CDH4: variants seen among roughly 807,000 people sequenced by gnomAD.
CDH4 encodes cadherin-4.
Under a neutral mutation model 86.0 loss-of-function variants are expected in CDH4, and 33 were observed. That is an observed-to-expected ratio of 0.38 (90% CI 0.29 to 0.51). The LOEUF is 0.51. Ranked by LOEUF, CDH4 falls within the 20% of genes least tolerant of loss-of-function variation. The pLI is 0.86. For synonymous variants in CDH4, 555 were observed against 549.4 expected (o/e 1.01, Z -0.14); for missense variants, 1,114 against 1,307.4 (o/e 0.85, Z 2.28).
rs1568729228 is a variant in CDH4 at position 61,642,010 on chromosome 20, GGCACCACCA to G, written c.170-101551_170-101543del. On this transcript the variant is annotated intron_variant, in intron 2 of 15. Coordinates refer to ENST00000614565, the MANE Select transcript of CDH4 (RefSeq NM_001794.5). Reference sequence around the variant, plus strand: ...TCAGACGGGGCTGCCTGACCCACCAGGCACCACCAGGCACCACAGCACCCAGGACACCTA... The same window carrying G: ...TCAGACGGGGCTGCCTGACCCACCAGGGCACCACAGCACCCAGGACACCTA... Among the ~76,000 whole-genome samples the G allele has an allele frequency of 2.7e-4, 3 of 10,938 alleles. 1 individual carries two copies. Among genetic ancestry groups the G allele is most frequent in the Non-Finnish European group, 4.4e-4 (3 of 6,788 alleles). The allele number at this position is 10,938 out of a possible 152,430, so 7.2% of individuals were successfully genotyped here. A position where few individuals can be genotyped will look rare whatever the true frequency, so the allele number is the denominator to read the frequency against.
intron 2 of CDH4, among the ~76,000 whole-genome samples, chr20:61,686,536 TA>T (rs1455628832): frequency 6.6e-6 from 1 of 151,924 alleles, no homozygotes; most frequent in Non-Finnish European, 1.5e-5. Context: ...TGCATTTGTG[TA>T]TGTGTGCATT....
chr20:61,795,333 G>C (rs1049435690), intron 4 of CDH4, among the ~76,000 whole-genome samples: 1 of 151,664 alleles, frequency 6.6e-6, no homozygotes, highest in Non-Finnish European at 1.5e-5. Context: ...ATAGTATCCT[G>C]AGCCCCATCA....
chr20:61,702,222 T>C (rs2087784506), intron 2 of CDH4, among the ~76,000 whole-genome samples: 1 of 152,280 alleles, frequency 6.6e-6, no homozygotes, highest in South Asian at 2.1e-4. Context: ...GGCCGCCTCA[T>C]AGGACCATTT....
intron 9 of CDH4, among the ~76,000 whole-genome samples, chr20:61,914,349 C>T (rs2054882934): frequency 6.6e-6 from 1 of 152,228 alleles, no homozygotes; most frequent in Non-Finnish European, 1.5e-5. Flanking sequence ...GTCTCATTGC[C>T]TACCCGGCCC....
At chr20:61,391,573 G>A (rs1283906115) in intron 2 of CDH4, among the ~76,000 whole-genome samples, 1 of 152,192 alleles carries the variant, frequency 6.6e-6, no homozygotes, top group Non-Finnish European at 1.5e-5. Flanking sequence ...CAGCAAAGCT[G>A]TGTGTTTTGT....
At chr20:61,617,324 A>G (rs1350382002) in intron 2 of CDH4, among the ~76,000 whole-genome samples, 1 of 152,182 alleles carries the variant, frequency 6.6e-6, no homozygotes, top group Non-Finnish European at 1.5e-5. Flanking sequence ...GGTGTGGGGC[A>G]GTGCTCAGTG....
chr20:61,605,886 GAAAAAAA>G lies in CDH4; in HGVS notation c.170-137664_170-137658del, dbSNP rs529210946. Among the ~76,000 whole-genome samples the G allele has an allele frequency of 5.1e-3, 639 of 126,010 alleles. 4 individuals are homozygous for G. Among genetic ancestry groups the G allele is most frequent in the Non-Finnish European group, 6.5e-3 (383 of 58,842 alleles). 82.7% of individuals were successfully genotyped at this position (126,010 alleles called of 152,430 possible). A position where few individuals can be genotyped will look rare whatever the true frequency, so the allele number is the denominator to read the frequency against. On this transcript the variant is annotated intron_variant, in intron 2 of 15. Coordinates refer to ENST00000614565, the MANE Select transcript of CDH4 (RefSeq NM_001794.5). ...CCCAGTAGCGGTCAAGGCTGTGGAGGAAAAAAAAAAAAAAAAAAACAGGAAACCAGGT... is the reference window on the plus strand; with the variant it reads ...CCCAGTAGCGGTCAAGGCTGTGGAGGAAAAAAAAAAAACAGGAAACCAGGT...
chr20:61,858,721 G>A (rs936067370), intron 6 of CDH4, among the ~76,000 whole-genome samples: 4 of 152,202 alleles, frequency 2.6e-5, no homozygotes, highest in Non-Finnish European at 5.9e-5. Context: ...TTCTCTGGAT[G>A]TACAGCCAGG....
At chr20:61,273,543 T>G (rs1412328432) in intron 2 of CDH4, among the ~76,000 whole-genome samples, 1 of 125,208 alleles carries the variant, frequency 8.0e-6, no homozygotes, top group East Asian at 2.6e-4. Flanking sequence ...GAGTACCGTG[T>G]GCAGTTTGGA....
intron 2 of CDH4, among the ~76,000 whole-genome samples, chr20:61,554,739 A>G (rs757955742): frequency 2.6e-5 from 4 of 152,284 alleles, no homozygotes; most frequent in South Asian, 2.1e-4. Flanking sequence ...ACACATGTAC[A>G]TGTACATGCA....
At chr20:61,318,760 C>T (rs1227867395) in intron 2 of CDH4, among the ~76,000 whole-genome samples, 2 of 152,254 alleles carry the variant, frequency 1.3e-5, no homozygotes, top group Non-Finnish European at 2.9e-5. Flanking sequence ...ACTTGTTTGG[C>T]ACAGAGAGAG....
At position 61,497,633 on chromosome 20, in the gene CDH4, G is replaced by C. The variant is rs528484545; in HGVS notation, c.169+242696G>C. Among the ~76,000 whole-genome samples the C allele has an allele frequency of 2.0e-5, 3 of 152,280 alleles. No homozygotes were observed. In the South Asian group the frequency reaches 6.2e-4, roughly 32 times the overall value. Reference sequence around the variant, plus strand: ...GGGACTGTAAACTAGTTCAACCATTGTGGAAGACAGTGTGGCGATTCCTCA... The same window carrying C: ...GGGACTGTAAACTAGTTCAACCATTCTGGAAGACAGTGTGGCGATTCCTCA... On this transcript the variant is annotated intron_variant, in intron 2 of 15. Coordinates refer to ENST00000614565, the MANE Select transcript of CDH4 (RefSeq NM_001794.5).
chr20:61,343,154 G>A (rs1036732178), intron 2 of CDH4, among the ~76,000 whole-genome samples: 1 of 152,196 alleles, frequency 6.6e-6, no homozygotes, highest in Admixed American at 6.5e-5. Context: ...TTCGTGCTGT[G>A]GCTGGTGACA....
At chr20:61,305,977 C>T (rs879619080) in intron 2 of CDH4, among the ~76,000 whole-genome samples, 8 of 152,206 alleles carry the variant, frequency 5.3e-5, no homozygotes, top group African/African-American at 1.4e-4. Context: ...GCACCACTTC[C>T]GTTGACCTTT....
At chr20:61,906,596 G>T (rs1302353526) in intron 8 of CDH4, among the ~76,000 whole-genome samples, 1 of 152,246 alleles carries the variant, frequency 6.6e-6, no homozygotes, top group Admixed American at 6.5e-5. Flanking sequence ...GCAAGGCAGT[G>T]TCCCCAGCGG....
At chr20:61,530,513 G>C (rs1468157007) in intron 2 of CDH4, among the ~76,000 whole-genome samples, 2 of 152,124 alleles carry the variant, frequency 1.3e-5, no homozygotes, top group Non-Finnish European at 2.9e-5. Flanking sequence ...ACCCTGCACG[G>C]CATGTACTGG....
chr20:61,304,020 G>C (rs1191019235), intron 2 of CDH4, among the ~76,000 whole-genome samples: 1 of 152,146 alleles, frequency 6.6e-6, no homozygotes, highest in Non-Finnish European at 1.5e-5. Context: ...CCTGCCAGTG[G>C]CTTCATTTCA....
intron 2 of CDH4, among the ~76,000 whole-genome samples, chr20:61,641,229 G>T (rs1459644990): frequency 1.3e-5 from 2 of 152,158 alleles, no homozygotes; most frequent in Admixed American, 1.3e-4. Context: ...CAGTGATTTG[G>T]GGGAGTTTTC....
chr20:61,643,001 T>C (rs933396702), intron 2 of CDH4, among the ~76,000 whole-genome samples: 4 of 152,252 alleles, frequency 2.6e-5, no homozygotes, highest in Non-Finnish European at 4.4e-5. Flanking sequence ...CTCAGTCACA[T>C]GTGCAAAGTC....
Sources: allele counts gnomAD v4.1 joint callset (sites outside exome capture counted in the v4.1 genomes callset), GRCh38; gene constraint gnomAD v4.1.1; transcripts MANE v1.5; gene names NCBI Gene and HGNC (gene_info 2026-07-23, HGNC 2026-07-21).